KLHL2: variants seen among roughly 807,000 people sequenced by gnomAD.
KLHL2 encodes the protein kelch like family member 2.
In KLHL2, 15 loss-of-function variants were observed where a neutral mutation model predicts 75.8. The observed-to-expected ratio is 0.20, with a 90% CI of 0.13 to 0.30. The LOEUF (loss-of-function observed/expected upper bound fraction) is 0.30. Among genes scored for constraint, KLHL2 ranks in the 10% least tolerant of loss-of-function variants. The probability of loss-of-function intolerance (pLI) is 1.00; values close to 1 mark genes in which losing one functional copy is unlikely to be tolerated. For synonymous variants in KLHL2, 214 were observed against 251.9 expected, an observed-to-expected ratio of 0.85 and a Z score of 1.42; for missense variants, 381 against 741.0, an observed-to-expected ratio of 0.51 and a Z score of 5.64.
chr4:165,272,629 G>A (rs1157273040), intron 5 of KLHL2, among the ~76,000 whole-genome samples: 3 of 151,836 alleles, frequency 2.0e-5, no homozygotes, highest in Non-Finnish European at 4.4e-5. Context: ...GAATAAAGTA[G>A]GATTAATGCA....
chr4:165,241,460 A>G (rs1179126755), intron 4 of KLHL2, among the ~76,000 whole-genome samples: 1 of 152,148 alleles, frequency 6.6e-6, no homozygotes, highest in Middle Eastern at 3.2e-3. Context: ...ACTGGAAGCC[A>G]TGCTCTGAAT....
At chr4:165,284,421 G>C (rs1335441413) in intron 5 of KLHL2, among the ~76,000 whole-genome samples, 1 of 152,002 alleles carries the variant, frequency 6.6e-6, no homozygotes, top group African/African-American at 2.4e-5. Context: ...CAGTTCTCTA[G>C]GGCAGGGACA....
intron 3 of KLHL2, among the ~76,000 whole-genome samples, chr4:165,230,337 T>C (rs149829951): frequency 0.011 from 1,621 of 152,304 alleles, 15 homozygotes; most frequent in African/African-American, 0.035. Context: ...AAACTTAATC[T>C]GTGCTTCAGT....
At chr4:165,279,876 T>C (rs570919454) in intron 5 of KLHL2, among the ~76,000 whole-genome samples, 102 of 152,340 alleles carry the variant, frequency 6.7e-4, no homozygotes, top group Non-Finnish European at 1.1e-3. Context: ...TTTCCCTGCG[T>C]ATTTTGTTTC....
At chr4:165,299,429 C>T in intron 7 of KLHL2, 78 bp from the exon 8 acceptor site, 4 of 1,347,824 alleles carry the variant, frequency 3.0e-6, no homozygotes, top group Admixed American at 2.5e-5. Flanking sequence ...TTTTTCCTCT[C>T]CTTTACTTCT....
At chr4:165,293,706 C>T (rs181616193) in intron 5 of KLHL2, among the ~76,000 whole-genome samples, 4,548 of 137,568 alleles carry the variant, frequency 0.033, 105 homozygotes, top group Non-Finnish European at 0.054. Context: ...TTAGTAGAGA[C>T]GGGGTTTCAC....
At chr4:165,296,699 G>T (rs2126503512) in intron 6 of KLHL2, among the ~76,000 whole-genome samples, 2 of 152,252 alleles carry the variant, frequency 1.3e-5, no homozygotes, top group Admixed American at 1.3e-4. Flanking sequence ...GAAGCAGGGG[G>T]GAGAGAAGAC....
intron 10 of KLHL2, 150 bp downstream of exon 10, chr4:165,310,900 G>T: frequency 4.7e-6 from 3 of 637,126 alleles, no homozygotes; most frequent in Non-Finnish European, 8.1e-6. Context: ...CGTCGCCCAG[G>T]CTGGAGTACA....
At chr4:165,273,681 T>C (rs1338888540) in intron 5 of KLHL2, among the ~76,000 whole-genome samples, 1 of 152,240 alleles carries the variant, frequency 6.6e-6, no homozygotes, top group Non-Finnish European at 1.5e-5. Context: ...CCTTCCACCA[T>C]CATTGTAAGG....
At chr4:165,264,572 A>G (rs1331295295) in intron 5 of KLHL2, among the ~76,000 whole-genome samples, 2 of 143,844 alleles carry the variant, frequency 1.4e-5, no homozygotes, top group Non-Finnish European at 3.0e-5. Context: ...TTTATGGCAG[A>G]GTAGTATTCC....
Position 165,207,970 on chromosome 4 carries a change from C to G in KLHL2, c.26+68C>G, listed in dbSNP as rs1261084345. ...CGCCGCTGCGGCGCGTGTCGCCGGC[C>G]GCGGGCGCAGCTCTGGGGACAGCCG... On this transcript the variant is annotated intron_variant, in intron 1 of 14. Transcript: ENST00000226725. This position sits in a 1 kb window ranked among gnomAD's most constrained non-coding sequence, Gnocchi z 4.2. The G allele has an allele frequency of 2.5e-6, 3 of 1,208,922 alleles. No homozygotes were observed. 74.9% of individuals were successfully genotyped at this position (1,208,922 alleles called of 1,614,324 possible).
In KLHL2 at chr4:165,299,533, G is replaced by A. The variant is rs1259206359; in HGVS notation, c.798G>A (p.Lys266=). ...GGGTTGAAGAGGAAGCATTGGTCAA[G>A]AATAGCAGTGCTTGCAAAGATTACC... ...VQRVEEEALV[K]NSSACKDYLI... is the part of the protein sequence containing the mutation. Residue 266 remains lysine (K), a synonymous_variant, in exon 8 of 15, where the codon AAG becomes AAA. Coordinates refer to ENST00000226725, the MANE Select transcript of KLHL2 (RefSeq NM_007246.4). 2 of 1,613,226 alleles carry A rather than the reference G, an allele frequency of 1.2e-6. No homozygotes were observed. The highest frequency in any genetic ancestry group is 1.7e-5 in the Admixed American group (1 of 59,814).
intron 2 of KLHL2, among the ~76,000 whole-genome samples, chr4:165,222,033 C>G (rs2110995863): frequency 6.6e-6 from 1 of 151,920 alleles, no homozygotes; most frequent in Admixed American, 6.5e-5. Context: ...TTCTTTTTCC[C>G]CACTCCTATG....
intron 11 of KLHL2, among the ~76,000 whole-genome samples, chr4:165,312,562 C>T (rs1746287320): frequency 6.6e-6 from 1 of 152,182 alleles, no homozygotes; most frequent in East Asian, 1.9e-4. Context: ...TTCATGTATA[C>T]AGTTCATTGT....
At chr4:165,209,919 G>C (rs1737086191) in intron 1 of KLHL2, 1 of 1,093,086 alleles carries the variant, frequency 9.1e-7, no homozygotes, top group Non-Finnish European at 1.3e-6. Context: ...CCCTTGGCCT[G>C]TTTGCCTCCA....
At chr4:165,224,438 A>G (rs1256360839) in intron 2 of KLHL2, among the ~76,000 whole-genome samples, 1 of 152,192 alleles carries the variant, frequency 6.6e-6, no homozygotes, top group Non-Finnish European at 1.5e-5. Flanking sequence ...ATCCTGTACA[A>G]CCCATAAATA....
intron 5 of KLHL2, chr4:165,279,047 G>C: frequency 6.6e-7 from 1 of 1,507,104 alleles, no homozygotes; most frequent in South Asian, 1.1e-5. Context: ...ACTTGCATTT[G>C]TTACATCTGT....
At chr4:165,285,790 G>A (rs1579122079) in intron 5 of KLHL2, among the ~76,000 whole-genome samples, 1 of 121,978 alleles carries the variant, frequency 8.2e-6, no homozygotes, top group African/African-American at 3.4e-5. Flanking sequence ...TCACATAATA[G>A]AGGGAGGGAG....
intron 5 of KLHL2, among the ~76,000 whole-genome samples, chr4:165,264,709 T>TATATATATAC (rs1742040487): frequency 1.4e-5 from 1 of 69,696 alleles, no homozygotes; most frequent in Admixed American, 1.7e-4. Context: ...TGTGTGTATA[T>TATATATATAC]ATATATATAT....
Sources: gnomAD v4.1 joint callset for allele counts (sites outside exome capture counted in the v4.1 genomes callset) on GRCh38, gnomAD v4.1.1 for gene constraint, Gnocchi (gnomAD v3.1) non-coding constraint, MANE v1.5 for transcripts, NCBI Gene and HGNC (gene_info 2026-07-23, HGNC 2026-07-21) for gene names.